MALRD1: variants seen among roughly 807,000 people sequenced by gnomAD.
MALRD1 encodes MAM and LDL-receptor class A domain-containing protein 1.
Under a neutral mutation model 242.1 loss-of-function variants are expected in MALRD1, and 247 were observed. The ratio of observed to expected loss-of-function variants is 1.02; its 90% CI spans 0.92 to 1.13. MALRD1 has a LOEUF of 1.13. Among genes scored for constraint, MALRD1 ranks in the 50% most tolerant of loss-of-function variants. The pLI is 0.00. For missense variants in MALRD1, 2,989 were observed against 2,533.1 expected (o/e 1.18, Z -3.86); for synonymous variants, 995 against 866.6 (o/e 1.15, Z -2.60).
intron 8 of MALRD1, among the ~76,000 whole-genome samples, chr10:19,132,308 T>C (rs17645859): frequency 0.061 from 9,262 of 152,252 alleles, 308 homozygotes; most frequent in South Asian, 0.14. Context: ...GAAAAATTAG[T>C]TGCTTGTCTC....
intron 29 of MALRD1, among the ~76,000 whole-genome samples, chr10:19,460,561 C>A (rs1835890506): frequency 6.6e-6 from 1 of 151,906 alleles, no homozygotes; most frequent in South Asian, 2.1e-4. Flanking sequence ...CCACTGAAAT[C>A]ATAGGTAATC....
At chr10:19,446,815 C>A (rs1835008963) in intron 28 of MALRD1, among the ~76,000 whole-genome samples, 1 of 152,092 alleles carries the variant, frequency 6.6e-6, no homozygotes, top group South Asian at 2.1e-4. Flanking sequence ...TCACTTTTCA[C>A]ATGCTTATAT....
chr10:19,386,473 C>G (rs888929409), intron 26 of MALRD1, among the ~76,000 whole-genome samples: 2 of 151,994 alleles, frequency 1.3e-5, no homozygotes, highest in African/African-American at 4.8e-5. Flanking sequence ...GCTGATATCC[C>G]AAGCTGGATT....
rs894668318 is a variant in MALRD1 at position 19,209,739 on chromosome 10, T to C, written c.2991+59T>C. On this transcript the variant is annotated intron_variant, in intron 18 of 39. Coordinates refer to ENST00000454679, the MANE Select transcript of MALRD1 (RefSeq NM_001142308.3). ...AATGCATCTGAATGTCTAAGGAATATGAAAGATCGCTGTATTCTCTAATTA... is the reference window on the plus strand; with the variant it reads ...AATGCATCTGAATGTCTAAGGAATACGAAAGATCGCTGTATTCTCTAATTA... The C allele has an allele frequency of 6.4e-6, 9 of 1,413,818 alleles. No individual in the cohort carries two copies. The African/African-American group carries it at 1.3e-4, about 20-fold the overall frequency. 87.6% of individuals were successfully genotyped at this position (1,413,818 alleles called of 1,614,324 possible).
intron 21 of MALRD1, among the ~76,000 whole-genome samples, chr10:19,302,993 A>G (rs967055053): frequency 1.3e-5 from 2 of 151,740 alleles, no homozygotes; most frequent in African/African-American, 4.8e-5. Context: ...GTTGAAACAA[A>G]GAGTATAAAA....
chr10:19,199,067 T>A lies in MALRD1; in HGVS notation c.1952-4661T>A, dbSNP rs575570396. Among the ~76,000 whole-genome samples the A allele has an allele frequency of 3.9e-5, 6 of 152,252 alleles. No individual in the cohort carries two copies. In the East Asian group the frequency reaches 9.7e-4, roughly 25 times the overall value. On this transcript the variant is annotated intron_variant, in intron 14 of 39. Coordinates refer to ENST00000454679, the MANE Select transcript of MALRD1 (RefSeq NM_001142308.3). ...TTTGGAGTTTATAGCAAATGCTTAA[T>A]CAAATAAAGGACAACCTCTATGAAC...
chr10:19,066,887 C>T (rs1483045979), intron 2 of MALRD1, 28 bp downstream of exon 2: 60 of 1,230,974 alleles, frequency 4.9e-5, no homozygotes, highest in Non-Finnish European at 5.6e-5. Context: ...ATTTTCTCCC[C>T]TCTCTCCCTT....
At chr10:19,570,228 G>A (rs534922785) in intron 33 of MALRD1, among the ~76,000 whole-genome samples, 9 of 152,070 alleles carry the variant, frequency 5.9e-5, no homozygotes, top group African/African-American at 1.7e-4. Context: ...TCTACAGCAC[G>A]ACTTCATTAT....
At chr10:19,304,026 G>A (rs1044108823) in intron 21 of MALRD1, among the ~76,000 whole-genome samples, 5 of 151,674 alleles carry the variant, frequency 3.3e-5, no homozygotes, top group African/African-American at 1.2e-4. Flanking sequence ...GGGGTAGCTG[G>A]TCAAGTGTTA....
intron 32 of MALRD1, among the ~76,000 whole-genome samples, chr10:19,564,680 G>A (rs1325134312): frequency 6.6e-6 from 1 of 151,994 alleles, no homozygotes; most frequent in South Asian, 2.1e-4. Context: ...ATGAGTTGCC[G>A]TTTTAGTTAA....
chr10:19,361,454 G>A lies in MALRD1; in HGVS notation c.4441+9157G>A, dbSNP rs981761022. On this transcript the variant is annotated intron_variant, in intron 26 of 39. Coordinates refer to ENST00000454679, the MANE Select transcript of MALRD1 (RefSeq NM_001142308.3). ...AGCCTACGATTTCTTAGCTCATATTGTTCTGTGAAAAAGAGAATAATCTCT... is the reference window on the plus strand; with the variant it reads ...AGCCTACGATTTCTTAGCTCATATTATTCTGTGAAAAAGAGAATAATCTCT... Among the ~76,000 whole-genome samples, 74 of 152,214 alleles carry A rather than the reference G, an allele frequency of 4.9e-4. 1 individual carries two copies. Among genetic ancestry groups the A allele is most frequent in the Non-Finnish European group, 2.2e-4 (15 of 67,996 alleles).
intron 1 of MALRD1, among the ~76,000 whole-genome samples, chr10:19,063,969 T>C (rs1834897632): frequency 6.6e-6 from 1 of 151,596 alleles, no homozygotes; most frequent in South Asian, 2.1e-4. Flanking sequence ...ATAATAATAA[T>C]AATTAAAAAT....
intron 14 of MALRD1, among the ~76,000 whole-genome samples, chr10:19,185,093 C>G (rs1389966630): frequency 2.6e-5 from 4 of 152,070 alleles, no homozygotes; most frequent in South Asian, 4.1e-4. Context: ...TGCTTTCTTT[C>G]GTTCCAAGAG....
At chr10:19,060,952 G>A (rs1425989909) in intron 1 of MALRD1, among the ~76,000 whole-genome samples, 1 of 152,176 alleles carries the variant, frequency 6.6e-6, no homozygotes, top group Non-Finnish European at 1.5e-5. Flanking sequence ...AAAGGAATGT[G>A]ATCATGTCCT....
At chr10:19,088,502 T>C (rs1388762761) in intron 4 of MALRD1, among the ~76,000 whole-genome samples, 1 of 150,074 alleles carries the variant, frequency 6.7e-6, no homozygotes, top group Non-Finnish European at 1.5e-5. Context: ...TTTTCCTCTC[T>C]ACTTTTCTTA....
At chr10:19,275,705 C>G (rs1308683387) in intron 19 of MALRD1, among the ~76,000 whole-genome samples, 1 of 151,962 alleles carries the variant, frequency 6.6e-6, no homozygotes, top group Non-Finnish European at 1.5e-5. Flanking sequence ...TAAATAAAAT[C>G]AGAAATCAGT....
In MALRD1 at chr10:19,666,048, G is replaced by GCT. The variant is rs1276560524; in HGVS notation, c.6138-26233_6138-26232dup. On this transcript the variant is annotated intron_variant, in intron 36 of 39. Transcript: ENST00000454679. Reference sequence around the variant, plus strand: ...ATAGGTGTCCTCTTCATCCCTCCTTGCTTCCCCCAAAACTTTCGTCCTCCC... The same window carrying GCT: ...ATAGGTGTCCTCTTCATCCCTCCTTGCTCTTCCCCCAAAACTTTCGTCCTCCC... Among the ~76,000 whole-genome samples the GCT allele has an allele frequency of 2.0e-5, 3 of 152,058 alleles. No homozygotes were observed. In the East Asian group the frequency reaches 5.8e-4, roughly 29 times the overall value.
At chr10:19,053,057 A>G (rs182736878) in intron 1 of MALRD1, among the ~76,000 whole-genome samples, 19 of 152,238 alleles carry the variant, frequency 1.2e-4, no homozygotes, top group Admixed American at 5.2e-4. Flanking sequence ...CAGCCTGGTA[A>G]ATGAAGATTG....
intron 19 of MALRD1, among the ~76,000 whole-genome samples, chr10:19,270,538 T>C (rs1482581289): frequency 6.6e-6 from 1 of 151,538 alleles, no homozygotes; most frequent in East Asian, 1.9e-4. Context: ...AGAGAGAGTA[T>C]TGAGAAATAG....
Sources: gnomAD v4.1 joint callset for allele counts (sites outside exome capture counted in the v4.1 genomes callset) on GRCh38, gnomAD v4.1.1 for gene constraint, MANE v1.5 for transcripts, NCBI Gene and HGNC (gene_info 2026-07-23, HGNC 2026-07-21) for gene names.